Variants in CTBP1 observed in about 807,000 individuals in gnomAD.
The protein encoded by CTBP1 is C-terminal-binding protein 1.
In CTBP1, 11 loss-of-function variants were observed where a neutral mutation model predicts 42.1. That is an observed-to-expected ratio of 0.26 (90% CI 0.16 to 0.43). The LOEUF (loss-of-function observed/expected upper bound fraction) is 0.43. Among genes scored for constraint, CTBP1 ranks in the 20% least tolerant of loss-of-function variants. CTBP1 has a pLI of 1.00. For synonymous variants in CTBP1, 324 were observed against 277.1 expected, an observed-to-expected ratio of 1.17 and a Z score of -1.68; for missense variants, 399 against 624.3, an observed-to-expected ratio of 0.64 and a Z score of 3.85.
chr4:1,233,461 C>T lies in CTBP1; in HGVS notation c.162+4722G>A, dbSNP rs1219702017. On this transcript the variant is annotated intron_variant, in intron 3 of 9. Coordinates refer to ENST00000382952, the MANE Select transcript of CTBP1 (RefSeq NM_001012614.2). This position sits in a 1 kb window ranked among gnomAD's most constrained non-coding sequence, Gnocchi z 4.6. ...TCCTCGCAGGCCACTGCGTCCTGTG[C>T]CCTCCCGGAGCCGCCCTGCCGCTCC... 6.6e-6 allele frequency among the ~76,000 whole-genome samples: 1 copy of T among 152,216 alleles called. No individual in the cohort carries two copies. The highest frequency in any genetic ancestry group is 1.5e-5 in the Non-Finnish European group (1 of 68,040).
chr4:1,216,762 C>G (rs1280013476), intron 5 of CTBP1: 1 of 168,536 alleles, frequency 5.9e-6, no homozygotes, highest in East Asian at 1.7e-4. Flanking sequence ...TGCCTGCCCC[C>G]ACCCCAGCAG....
At chr4:1,241,819 C>A in intron 1 of CTBP1, 1 of 1,170,500 alleles carries the variant, frequency 8.5e-7, no homozygotes, top group Non-Finnish European at 1.1e-6. Flanking sequence ...AGGCTCTAGC[C>A]GCATCCAGAT....
intron 2 of CTBP1, among the ~76,000 whole-genome samples, chr4:1,239,010 C>T (rs1326676854): frequency 6.6e-6 from 1 of 152,210 alleles, no homozygotes; most frequent in East Asian, 1.9e-4. Context: ...GCCCCCAACC[C>T]TCTGCCTGGC....
chr4:1,227,937 C>G (rs1730557799), intron 4 of CTBP1, among the ~76,000 whole-genome samples: 1 of 152,242 alleles, frequency 6.6e-6, no homozygotes, highest in African/African-American at 2.4e-5. Flanking sequence ...GGGCACCAGC[C>G]AGACATGCAT....
rs544456743 is a variant in CTBP1, at chr4:1,238,053, G to A, written c.162+130C>T. 38 of 1,240,278 alleles carry A rather than the reference G, an allele frequency of 3.1e-5. No homozygotes were observed. In the East Asian group the frequency reaches 3.7e-4, roughly 12 times the overall value. The allele number at this position is 1,240,278 out of a possible 1,614,324, so 76.8% of individuals were successfully genotyped here. Reference sequence around the variant, plus strand: ...TGTCCACCTCCTGACGGCGCGGGACGACTGGGACAGAGGCTGCTCCTGCCC... The same window carrying A: ...TGTCCACCTCCTGACGGCGCGGGACAACTGGGACAGAGGCTGCTCCTGCCC... On this transcript the variant is annotated intron_variant, in intron 3 of 9. Coordinates refer to ENST00000382952, the MANE Select transcript of CTBP1 (RefSeq NM_001012614.2). This position sits in a 1 kb window ranked among gnomAD's most constrained non-coding sequence, Gnocchi z 5.9.
At chr4:1,223,402 A>G (rs1729965197) in intron 5 of CTBP1, 1 of 455,232 alleles carries the variant, frequency 2.2e-6, no homozygotes. Context: ...CACATCCGTG[A>G]ACCAACCTCT....
intron 3 of CTBP1, chr4:1,231,293 A>C (rs1730946106): frequency 6.6e-6 from 1 of 152,208 alleles, no homozygotes; most frequent in Admixed American, 6.5e-5. Context: ...TTGGTCTCCC[A>C]CGGAGAAAGT....
chr4:1,231,623 C>T (rs567702406), intron 3 of CTBP1, among the ~76,000 whole-genome samples: 3 of 152,364 alleles, frequency 2.0e-5, no homozygotes, highest in East Asian at 3.9e-4. Flanking sequence ...CAGGACTCGA[C>T]GTCGCACTTA....
In CTBP1 at chr4:1,233,731, C is replaced by G. The variant is rs375282323; in HGVS notation, c.162+4452G>C. Among the ~76,000 whole-genome samples, 1 of 152,178 alleles carries G rather than the reference C, an allele frequency of 6.6e-6. No individual in the cohort carries two copies. Among genetic ancestry groups the G allele is most frequent in the Non-Finnish European group, 1.5e-5 (1 of 68,024 alleles). Reference sequence around the variant, plus strand: ...GCCTCCCAGGCCCCGACATTCTTCCCGCTCCTCCTGTGACCGCACTGACGG... The same window carrying G: ...GCCTCCCAGGCCCCGACATTCTTCCGGCTCCTCCTGTGACCGCACTGACGG... On this transcript the variant is annotated intron_variant, in intron 3 of 9. Coordinates refer to ENST00000382952, the MANE Select transcript of CTBP1 (RefSeq NM_001012614.2). The surrounding 1 kb of genome is among the most constrained non-coding windows in gnomAD (Gnocchi z 4.6).
chr4:1,226,893 G>A (rs558180789), intron 4 of CTBP1, among the ~76,000 whole-genome samples: 17 of 151,928 alleles, frequency 1.1e-4, no homozygotes, highest in African/African-American at 1.4e-4. Flanking sequence ...CACCACCTGC[G>A]TCCCCCGCAG....
Position 1,216,048 on chromosome 4 carries a change from C to G in CTBP1, c.672G>C (p.Leu224=), listed in dbSNP as rs1729076272. 1 of 1,611,596 alleles carries G rather than the reference C, an allele frequency of 6.2e-7. No homozygotes were observed. Among genetic ancestry groups the G allele is most frequent in the Non-Finnish European group, 8.5e-7 (1 of 1,179,896 alleles). Residue 224 remains leucine, a synonymous_variant, in exon 6 of 10, where the codon CTG becomes CTC. Coordinates refer to ENST00000382952, the MANE Select transcript of CTBP1 (RefSeq NM_001012614.2). ...GGTTGTGCTCGTTGAGGCCGCAGTG[C>G]AGGGTCACGCAGTCGCTGTGGAAGA... ...DLLFHSDCVT[L]HCGLNEHNHH...
At chr4:1,241,071 C>T (rs566378689) in intron 2 of CTBP1, among the ~76,000 whole-genome samples, 15 of 152,302 alleles carry the variant, frequency 9.8e-5, no homozygotes, top group Middle Eastern at 3.4e-3. Context: ...AGACACTTTC[C>T]GACAGAAACA....
rs374782717 is a variant in CTBP1 at position 1,245,244 on chromosome 4, G to C, written c.-189+3672C>G. 230 of 985,442 alleles carry C rather than the reference G, an allele frequency of 2.3e-4. No homozygotes were observed. The African/African-American group carries it at 3.7e-3, about 16-fold the overall frequency. The allele number at this position is 985,442 out of a possible 1,614,324, so 61.0% of individuals were successfully genotyped here. Reference sequence around the variant, plus strand: ...CGCATCACAGCTCAGAGGACACAGCGCAGGGGCTGTGATCAAAGGCATGGA... The same window carrying C: ...CGCATCACAGCTCAGAGGACACAGCCCAGGGGCTGTGATCAAAGGCATGGA... On this transcript the variant is annotated intron_variant, in intron 1 of 9. Coordinates refer to ENST00000382952, the MANE Select transcript of CTBP1 (RefSeq NM_001012614.2).
chr4:1,214,291 G>C, intron 7 of CTBP1, 52 bp downstream of exon 7: 1 of 1,496,180 alleles, frequency 6.7e-7, no homozygotes. Context: ...GTCAAGGCCG[G>C]CAGGATGGTG....
intron 5 of CTBP1, among the ~76,000 whole-genome samples, chr4:1,222,860 ACT>A (rs548039946): frequency 1.3e-5 from 2 of 151,896 alleles, no homozygotes; most frequent in African/African-American, 4.8e-5. Flanking sequence ...AGGACACATG[ACT>A]CTGGGGGCAA....
At chr4:1,239,317 C>CG (rs912013786) in intron 2 of CTBP1, among the ~76,000 whole-genome samples, 1 of 152,176 alleles carries the variant, frequency 6.6e-6, no homozygotes, top group Non-Finnish European at 1.5e-5. Context: ...TGGGCAGAGG[C>CG]GGAGCTGGGG....
chr4:1,237,378 G>A, intron 3 of CTBP1: 2 of 685,886 alleles, frequency 2.9e-6, no homozygotes, highest in South Asian at 3.0e-5. Context: ...ACCTCCTGAT[G>A]GGGCTCAGGG....
Position 1,233,498 on chromosome 4 carries a change from C to A in CTBP1, c.162+4685G>T, listed in dbSNP as rs892563811. Among the ~76,000 whole-genome samples the A allele has an allele frequency of 6.6e-6, 1 of 152,194 alleles. No individual in the cohort carries two copies. The highest frequency in any genetic ancestry group is 6.5e-5 in the Admixed American group (1 of 15,282). ...CGCCCTGCCGCTCCAGGCCCCGCAG[C>A]CCACACCGGACGCAGCCTCCAGGCT... On this transcript the variant is annotated intron_variant, in intron 3 of 9. Transcript: ENST00000382952. This position sits in a 1 kb window ranked among gnomAD's most constrained non-coding sequence, Gnocchi z 4.6.
chr4:1,212,579 G>GC, intron 9 of CTBP1, 156 bp from the exon 10 acceptor site: 5 of 708,288 alleles, frequency 7.1e-6, no homozygotes, highest in Non-Finnish European at 1.1e-5. Context: ...CCTGCCTATG[G>GC]CAGCTACTTC....
Sources: gnomAD v4.1 joint callset for allele counts (sites outside exome capture counted in the v4.1 genomes callset) on GRCh38, gnomAD v4.1.1 for gene constraint, Gnocchi (gnomAD v3.1) non-coding constraint, MANE v1.5 for transcripts, NCBI Gene and HGNC (gene_info 2026-07-23, HGNC 2026-07-21) for gene names.